The following ZNF124 variants were observed in gnomAD, a reference collection of about 807,000 sequenced individuals.
The protein encoded by ZNF124 is zinc finger protein HZF-16.
In ZNF124, 25 loss-of-function variants were observed where a neutral mutation model predicts 26.6. The ratio of observed to expected loss-of-function variants is 0.94; its 90% CI spans 0.68 to 1.31. The LOEUF (loss-of-function observed/expected upper bound fraction) is 1.31. Ranked by LOEUF, ZNF124 falls within the 40% of genes most tolerant of loss-of-function variation. The pLI, the probability that ZNF124 is intolerant of heterozygous loss-of-function variation, is 0.00. For synonymous variants in ZNF124, 129 were observed against 133.3 expected (o/e 0.97, Z 0.22); for missense variants, 444 against 422.2 (o/e 1.05, Z -0.45).
chr1:247,163,406 G>C (rs1488461596), intron 1 of ZNF124, among the ~76,000 whole-genome samples: 1 of 84,504 alleles, frequency 1.2e-5, no homozygotes, highest in Non-Finnish European at 2.6e-5. Flanking sequence ...AAGAAAAGGA[G>C]AGAAGATCCA....
downstream of ZNF124, among the ~76,000 whole-genome samples, chr1:247,153,556 G>C (rs971559189): frequency 2.0e-5 from 3 of 152,172 alleles, no homozygotes; most frequent in Non-Finnish European, 4.4e-5. Context: ...CTTTCTTGCT[G>C]TAACAATTGC....
At position 247,160,149 on chromosome 1, in the gene ZNF124, C is replaced by T. The variant is rs539825581; in HGVS notation, c.31-336G>A. 5.9e-5 allele frequency among the ~76,000 whole-genome samples: 9 copies of T among 152,236 alleles called. No homozygotes were observed. In the South Asian group the frequency reaches 1.9e-3, roughly 32 times the overall value. The stretch of plus-strand genomic sequence containing the variant: ...TACAGGCACATGTCACCACGCCCAG[C>T]TAATTTTTGTATTTTTAGTAGAGAC... On this transcript the variant is annotated intron_variant, in intron 1 of 3. Coordinates refer to ENST00000543802, the MANE Select transcript of ZNF124 (RefSeq NM_001297568.2).
In ZNF124 at chr1:247,168,866, A is replaced by AG. The variant is rs1197700747; in HGVS notation, c.30+2981dup. The stretch of plus-strand genomic sequence containing the variant: ...TTGGTGATTTGGGGGCAAGGGTGGG[A>AG]GGGGGTGAGACTGCATATTGGGTAC... On this transcript the variant is annotated intron_variant, in intron 1 of 3. Transcript: ENST00000543802. This position sits in a 1 kb window ranked among gnomAD's most constrained non-coding sequence, Gnocchi z 4.0. 6.9e-6 allele frequency among the ~76,000 whole-genome samples: 1 copy of AG among 145,614 alleles called. No individual in the cohort carries two copies. Among genetic ancestry groups the AG allele is most frequent in the African/African-American group, 2.5e-5 (1 of 40,186 alleles).
intron 1 of ZNF124, among the ~76,000 whole-genome samples, chr1:247,165,892 A>C (rs886928027): frequency 6.6e-6 from 1 of 152,116 alleles, no homozygotes; most frequent in Non-Finnish European, 1.5e-5. Flanking sequence ...AAACTCAAAA[A>C]ATAGCCTGGG....
intron 3 of ZNF124, among the ~76,000 whole-genome samples, chr1:247,144,835 G>A (rs1230425088): frequency 1.3e-5 from 2 of 151,582 alleles, no homozygotes; most frequent in Non-Finnish European, 2.9e-5. Flanking sequence ...GAGTGCAGTG[G>A]CCCGATCTCA....
exon 4 of ZNF124, chr1:247,123,059 C>G (rs1330443242): frequency 1.3e-5 from 2 of 152,154 alleles, no homozygotes; most frequent in Non-Finnish European, 2.9e-5. Context: ...TAAGCATGAA[C>G]ACAATAACTA....
At chr1:247,158,044 A>G (rs147636529) in intron 3 of ZNF124, among the ~76,000 whole-genome samples, 17,379 of 151,978 alleles carry the variant, frequency 0.11, 1,275 homozygotes, top group African/African-American at 0.18. Flanking sequence ...GAGGTCAGGA[A>G]TTCAAGACCA....
Position 247,155,905 on chromosome 1 carries a change from A to T in ZNF124, c.*661T>A, listed in dbSNP as rs1371105616. 1 of 932,542 alleles carries T rather than the reference A, an allele frequency of 1.1e-6. No individual in the cohort carries two copies. The highest frequency in any genetic ancestry group is 1.3e-6 in the Non-Finnish European group (1 of 782,786). The allele number at this position is 932,542 out of a possible 1,614,324, so 57.8% of individuals were successfully genotyped here. The stretch of plus-strand genomic sequence containing the variant: ...TCACCTCAATTTTTTTTTTTTCAAA[A>T]GAAGTGAAAATCTATATTCTAGAGA... On this transcript the variant is annotated 3_prime_UTR_variant, in exon 4 of 4. Coordinates refer to ENST00000543802, the MANE Select transcript of ZNF124 (RefSeq NM_001297568.2).
At chr1:247,154,822 G>C (rs1311343901), downstream of ZNF124, among the ~76,000 whole-genome samples, 3 of 152,126 alleles carry the variant, frequency 2.0e-5, no homozygotes, top group African/African-American at 4.8e-5. Context: ...GACAAAGTTA[G>C]ACCCAATTTC....
At chr1:247,127,784 G>C (rs970238785) in intron 3 of ZNF124, among the ~76,000 whole-genome samples, 8 of 149,780 alleles carry the variant, frequency 5.3e-5, no homozygotes, top group Non-Finnish European at 8.9e-5. Context: ...AAAGAGACAG[G>C]AATTGCTCAC....
intron 1 of ZNF124, among the ~76,000 whole-genome samples, chr1:247,161,321 G>C (rs1490057277): frequency 6.6e-6 from 1 of 152,106 alleles, no homozygotes; most frequent in Non-Finnish European, 1.5e-5. Flanking sequence ...GGATAGTGAA[G>C]GAAGTATCAA....
Position 247,156,532 on chromosome 1 carries a change from A to G in ZNF124, c.*34T>C, listed in dbSNP as rs1444886786. 2.0e-6 allele frequency: 3 copies of G among 1,499,230 alleles called. No individual in the cohort carries two copies. Among genetic ancestry groups the G allele is most frequent in the South Asian group, 2.9e-5 (2 of 70,080 alleles). The allele number at this position is 1,499,230 out of a possible 1,614,324, so 92.9% of individuals were successfully genotyped here. On this transcript the variant is annotated 3_prime_UTR_variant, in exon 4 of 4. Transcript: ENST00000543802. ...GTTTCTCTCAAGTATGTGACTGTTC[A>G]TGTTTTTGACAAAAACTGTAGTGAT...
intron 1 of ZNF124, among the ~76,000 whole-genome samples, chr1:247,162,805 C>T (rs372545664): frequency 2.6e-5 from 4 of 152,196 alleles, no homozygotes; most frequent in South Asian, 2.1e-4. Flanking sequence ...AATTCTTACA[C>T]ACCTACAAAG....
chr1:247,157,148 G>A lies in ZNF124; in HGVS notation c.474C>T (p.Ala158=), dbSNP rs1464427627. 4 of 1,614,008 alleles carry A rather than the reference G, an allele frequency of 2.5e-6. No individual in the cohort carries two copies. The highest frequency in any genetic ancestry group is 3.3e-5 in the Admixed American group (2 of 59,996). The change falls in exon 4 of 4, where the codon GCC becomes GCT. Residue 158 remains alanine, a synonymous_variant. Coordinates refer to ENST00000543802, the MANE Select transcript of ZNF124 (RefSeq NM_001297568.2). Reference sequence around the variant, plus strand: ...TATTAAGAGAACGGGAAAAACCTAAGGCTTTCCCACATTCCATACATTCAT... The same window carrying A: ...TATTAAGAGAACGGGAAAAACCTAAAGCTTTCCCACATTCCATACATTCAT... The part of the protein sequence containing the change: ...KPYECMECGK[A]LGFSRSLNRH...
intron 1 of ZNF124, among the ~76,000 whole-genome samples, chr1:247,161,865 G>C (rs1051291490): frequency 2.6e-5 from 4 of 152,008 alleles, no homozygotes; most frequent in African/African-American, 9.7e-5. Flanking sequence ...GAAGGCCAAG[G>C]CAGTGGATAT....
chr1:247,154,476 T>C (rs1673033310), downstream of ZNF124, among the ~76,000 whole-genome samples: 1 of 152,188 alleles, frequency 6.6e-6, no homozygotes, highest in Admixed American at 6.5e-5. Context: ...GTCTCAGGAA[T>C]TTCTTCATAG....
chr1:247,144,127 CAGAA>C (rs1028816214), intron 3 of ZNF124, among the ~76,000 whole-genome samples: 3 of 152,122 alleles, frequency 2.0e-5, no homozygotes, highest in Non-Finnish European at 4.4e-5. Flanking sequence ...AAGGGTGATT[CAGAA>C]AGACAAAAAG....
chr1:247,153,112 A>G (rs369079224), downstream of ZNF124, among the ~76,000 whole-genome samples: 93 of 151,882 alleles, frequency 6.1e-4, no homozygotes, highest in Non-Finnish European at 1.0e-3. Context: ...CAGCCTGGGC[A>G]ACAGAGTGAG....
chr1:247,152,344 TTA>T (rs1309219299), downstream of ZNF124, among the ~76,000 whole-genome samples: 2 of 149,940 alleles, frequency 1.3e-5, no homozygotes, highest in Admixed American at 6.7e-5. Flanking sequence ...ATATATGTAA[TTA>T]TATATATATG....
Sources: gnomAD v4.1 joint callset for allele counts (sites outside exome capture counted in the v4.1 genomes callset) on GRCh38, gnomAD v4.1.1 for gene constraint, Gnocchi (gnomAD v3.1) non-coding constraint, MANE v1.5 for transcripts, NCBI Gene and HGNC (gene_info 2026-07-23, HGNC 2026-07-21) for gene names.